POT1: variants seen among roughly 807,000 people sequenced by gnomAD.
The protein encoded by POT1 is protection of telomeres 1.
POT1 carries 47 observed loss-of-function variants against 78.5 expected under a neutral mutation model. The observed-to-expected ratio is 0.60, with a 90% confidence interval of 0.47 to 0.76. The LOEUF (loss-of-function observed/expected upper bound fraction) is 0.76. Ranked by LOEUF, POT1 falls within the 30% of genes least tolerant of loss-of-function variation. The probability of loss-of-function intolerance (pLI) is 0.00; values close to 1 mark genes in which losing one functional copy is unlikely to be tolerated. For missense variants in POT1, 646 were observed against 749.9 expected, an observed-to-expected ratio of 0.86 and a Z score of 1.62; for synonymous variants, 259 against 260.7, an observed-to-expected ratio of 0.99 and a Z score of 0.06.
At chr7:124,901,207 G>A (rs968034234) in intron 3 of POT1, among the ~76,000 whole-genome samples, 1 of 152,154 alleles carries the variant, frequency 6.6e-6, no homozygotes, top group African/African-American at 2.4e-5. Flanking sequence ...TCCTCAAGTG[G>A]GTCCCTGACC....
In POT1 at chr7:124,858,917, A is replaced by G. The variant is rs759301916; in HGVS notation, c.702+40T>C. 2.7e-6 allele frequency: 4 copies of G among 1,479,632 alleles called. No individual in the cohort carries two copies. The African/African-American group carries it at 5.6e-5, about 21-fold the overall frequency. The allele number at this position is 1,479,632 out of a possible 1,614,324, so 91.7% of individuals were successfully genotyped here. On this transcript the variant is annotated intron_variant, in intron 9 of 18. Coordinates refer to ENST00000357628, the MANE Select transcript of POT1 (RefSeq NM_015450.3). ...ACATGAGCAAAAATCACTATAATTTATAAAAACATAAAATAACATTTTTTC... is the reference window on the plus strand; with the variant it reads ...ACATGAGCAAAAATCACTATAATTTGTAAAAACATAAAATAACATTTTTTC...
chr7:124,890,044 CA>C (rs1423176011), intron 6 of POT1, among the ~76,000 whole-genome samples: 1 of 151,840 alleles, frequency 6.6e-6, no homozygotes, highest in Non-Finnish European at 1.5e-5. Context: ...TGGACTGCGG[CA>C]AAGTAAATTA....
chr7:124,881,063 C>T (rs1383526027), intron 6 of POT1, among the ~76,000 whole-genome samples: 1 of 151,946 alleles, frequency 6.6e-6, no homozygotes, highest in Non-Finnish European at 1.5e-5. Context: ...TTTCAATATA[C>T]AGTCATGTAC....
chr7:124,900,843 A>G, intron 3 of POT1: 1 of 392,742 alleles, frequency 2.5e-6, no homozygotes, highest in Non-Finnish European at 5.3e-6. Context: ...GCACACCAGG[A>G]GATTATATCC....
intron 3 of POT1, among the ~76,000 whole-genome samples, chr7:124,914,458 A>T (rs1796968507): frequency 6.6e-6 from 1 of 152,130 alleles, no homozygotes; most frequent in African/African-American, 2.4e-5. Flanking sequence ...AAGTCTTTCT[A>T]CACAAGTTTC....
intron 6 of POT1, among the ~76,000 whole-genome samples, chr7:124,880,196 C>T (rs1195545576): frequency 6.6e-6 from 1 of 151,990 alleles, no homozygotes; most frequent in Non-Finnish European, 1.5e-5. Flanking sequence ...GCATAAAACA[C>T]AACTATTTTG....
At chr7:124,925,720 C>T (rs537819833) in intron 2 of POT1, among the ~76,000 whole-genome samples, 2 of 152,214 alleles carry the variant, frequency 1.3e-5, no homozygotes, top group Non-Finnish European at 2.9e-5. Flanking sequence ...TACAAGGCTA[C>T]AGCAACCAAA....
intron 18 of POT1, 135 bp downstream of exon 18, chr7:124,825,117 A>G (rs955104313): frequency 8.4e-6 from 4 of 474,988 alleles, no homozygotes; most frequent in Non-Finnish European, 1.5e-5. Context: ...AAGGTTGATC[A>G]TAGAGTAATC....
At chr7:124,825,151 G>T in intron 18 of POT1, 101 bp downstream of exon 18, 1 of 643,876 alleles carries the variant, frequency 1.6e-6, no homozygotes, top group Non-Finnish European at 2.5e-6. Context: ...TAAATCATTT[G>T]GAAGCAAAGC....
intron 7 of POT1, among the ~76,000 whole-genome samples, chr7:124,870,650 A>T (rs1325923204): frequency 2.0e-5 from 3 of 152,162 alleles, no homozygotes; most frequent in African/African-American, 7.2e-5. Context: ...CTGTATTTAG[A>T]AACAGAAGAC....
chr7:124,880,939 C>T (rs1021652095), intron 6 of POT1, among the ~76,000 whole-genome samples: 4 of 151,952 alleles, frequency 2.6e-5, no homozygotes, highest in African/African-American at 9.7e-5. Context: ...TCCAAAATAT[C>T]ATCTACTTGC....
chr7:124,832,236 A>G (rs1216222907), intron 15 of POT1, among the ~76,000 whole-genome samples: 4 of 137,552 alleles, frequency 2.9e-5, no homozygotes, highest in African/African-American at 5.4e-5. Flanking sequence ...CCTGGGTATC[A>G]GAATGACACT....
At chr7:124,859,169 A>G (rs573936817) in intron 8 of POT1, 57 bp from the exon 9 acceptor site, 6 of 1,382,952 alleles carry the variant, frequency 4.3e-6, no homozygotes, top group Admixed American at 5.0e-5. Flanking sequence ...CTTGTGCTAA[A>G]AAGTTTTTTC....
chr7:124,853,198 TTA>T, intron 9 of POT1, 60 bp from the exon 10 acceptor site: 1 of 1,310,368 alleles, frequency 7.6e-7, no homozygotes, highest in Non-Finnish European at 1.0e-6. Context: ...CTTCTGATAT[TTA>T]AAACTTTAAT....
chr7:124,843,053 ATTAAT>A, intron 12 of POT1, 90 bp from the exon 13 acceptor site: 1 of 926,672 alleles, frequency 1.1e-6, no homozygotes, highest in Non-Finnish European at 1.5e-6. Context: ...ATAAAATCTA[ATTAAT>A]TTAAGCTCTA....
At chr7:124,884,476 A>G (rs766023523) in intron 6 of POT1, among the ~76,000 whole-genome samples, 1 of 152,176 alleles carries the variant, frequency 6.6e-6, no homozygotes, top group Non-Finnish European at 1.5e-5. Flanking sequence ...CTACTTTTCT[A>G]AAATGAGTTT....
intron 8 of POT1, among the ~76,000 whole-genome samples, chr7:124,863,013 G>A (rs1795634473): frequency 6.6e-6 from 1 of 152,036 alleles, no homozygotes; most frequent in South Asian, 2.1e-4. Flanking sequence ...GACCTTGACA[G>A]GGAAACAGAA....
chr7:124,927,716 T>C (rs1397497642), intron 2 of POT1, among the ~76,000 whole-genome samples: 5 of 152,216 alleles, frequency 3.3e-5, no homozygotes, highest in Middle Eastern at 3.2e-3. Flanking sequence ...ACTTGCCTAC[T>C]GCACACTACT....
intron 11 of POT1, chr7:124,848,723 A>T: frequency 6.2e-6 from 1 of 160,010 alleles, no homozygotes; most frequent in Middle Eastern, 5.1e-4. Flanking sequence ...CAGAGCACAC[A>T]AAGTAAAATA....
Sources: allele counts gnomAD v4.1 joint callset (sites outside exome capture counted in the v4.1 genomes callset), GRCh38; gene constraint gnomAD v4.1.1; transcripts MANE v1.5; gene names NCBI Gene and HGNC (gene_info 2026-07-23, HGNC 2026-07-21).